Variants in ULK1 observed in about 807,000 individuals in gnomAD.
ULK1 encodes unc-51 like autophagy activating kinase 1, also known as serine/threonine-protein kinase ULK1.
Under a neutral mutation model 117.5 loss-of-function variants are expected in ULK1, and 48 were observed. That is an observed-to-expected ratio of 0.41 (90% CI 0.32 to 0.52). The LOEUF is 0.52. Ranked by LOEUF, ULK1 falls within the 20% of genes least tolerant of loss-of-function variation. The pLI, the probability that ULK1 is intolerant of heterozygous loss-of-function variation, is 0.29. For synonymous variants in ULK1, 790 were observed against 637.8 expected (o/e 1.24, Z -3.60); for missense variants, 1,387 against 1,473.4 (o/e 0.94, Z 0.96).
rs1483240242 is a variant in ULK1 at position 131,909,116 on chromosome 12, C to T, written c.565-20C>T. On this transcript the variant is annotated intron_variant, in intron 7 of 27. Transcript: ENST00000321867. ...TTGGCGTGCGGGGGCCTCACACTGA[C>T]CCGACTTCTGGTCCCGCAGGCCCCC... 1 of 1,601,314 alleles carries T rather than the reference C, an allele frequency of 6.2e-7. No homozygotes were observed.
intron 20 of ULK1, 32 bp from the exon 21 acceptor site, chr12:131,916,921 G>C (rs753210417): frequency 6.4e-7 from 1 of 1,574,756 alleles, no homozygotes; most frequent in Non-Finnish European, 8.7e-7. Flanking sequence ...GGGTGGGCCG[G>C]GCACCCAGCA....
intron 7 of ULK1, 67 bp downstream of exon 7, chr12:131,909,038 C>T (rs1338683053): frequency 5.6e-6 from 9 of 1,610,658 alleles, no homozygotes; most frequent in Non-Finnish European, 5.1e-6. Context: ...GGTTGGCTGG[C>T]GTGTGGTGCG....
In ULK1 at chr12:131,919,140, G is replaced by A. The variant is rs942774430; in HGVS notation, c.2512-72G>A. Reference sequence around the variant, plus strand: ...GCCCTGCCTCCCCAAGGCGTCATCGGTGAGTCTGAAGGGAGACAAGCCCCT... The same window carrying A: ...GCCCTGCCTCCCCAAGGCGTCATCGATGAGTCTGAAGGGAGACAAGCCCCT... On this transcript the variant is annotated intron_variant, in intron 23 of 27. Transcript: ENST00000321867. 8 of 1,488,274 alleles carry A rather than the reference G, an allele frequency of 5.4e-6. No homozygotes were observed. In the South Asian group the frequency reaches 9.2e-5, roughly 17 times the overall value. The allele number at this position is 1,488,274 out of a possible 1,614,324, so 92.2% of individuals were successfully genotyped here.
At chr12:131,901,321 T>C (rs1593259709) in intron 3 of ULK1, among the ~76,000 whole-genome samples, 1 of 148,840 alleles carries the variant, frequency 6.7e-6, no homozygotes. Flanking sequence ...TTTGTGCCAC[T>C]GCACTCCAGC....
rs1180962615 is a variant in ULK1, at chr12:131,914,223, G to A, written c.1248-129G>A. 7.8e-6 allele frequency: 11 copies of A among 1,416,450 alleles called. No individual in the cohort carries two copies. In the Admixed American group the frequency reaches 2.1e-4, roughly 28 times the overall value. 87.7% of individuals were successfully genotyped at this position (1,416,450 alleles called of 1,614,324 possible). On this transcript the variant is annotated intron_variant, in intron 15 of 27. Transcript: ENST00000321867. Reference sequence around the variant, plus strand: ...AGCCGGCTCTTTTCAGACCTGGCATGGGTCTCAGGGTGGCCTCTGCCCTAA... The same window carrying A: ...AGCCGGCTCTTTTCAGACCTGGCATAGGTCTCAGGGTGGCCTCTGCCCTAA...
intron 22 of ULK1, among the ~76,000 whole-genome samples, chr12:131,917,853 C>G (rs1405539827): frequency 6.6e-6 from 1 of 152,238 alleles, no homozygotes; most frequent in Admixed American, 6.5e-5. Flanking sequence ...ATCATGGCCT[C>G]CTTGCCCAGC....
chr12:131,915,798 T>C (rs1889751388), intron 18 of ULK1, 93 bp from the exon 19 acceptor site: 2 of 1,526,204 alleles, frequency 1.3e-6, no homozygotes, highest in South Asian at 1.2e-5. Flanking sequence ...GGCCTTGGAG[T>C]GCGTCTACCC....
chr12:131,910,936 C>G, intron 12 of ULK1, 136 bp downstream of exon 12: 2 of 1,458,564 alleles, frequency 1.4e-6, no homozygotes, highest in Non-Finnish European at 1.8e-6. Flanking sequence ...TGAGTTCATT[C>G]TGTCAGATGT....
At position 131,920,082 on chromosome 12, in the gene ULK1, C is replaced by A; in HGVS notation, c.2907C>A (p.Asp969Glu). 6.2e-7 allele frequency: 1 copy of A among 1,612,816 alleles called. No homozygotes were observed. Among genetic ancestry groups the A allele is most frequent in the Non-Finnish European group, 8.5e-7 (1 of 1,179,952 alleles). The change falls in exon 26 of 28, where the codon GAC (aspartate) becomes GAA (glutamate). Residue 969 changes from aspartate to glutamate, a missense_variant. Asp to Glu is a conservative substitution (Grantham distance 45, BLOSUM62 2). This residue lies in a region of ULK1 where 900 missense variants were observed against 858.9 expected (regional missense o/e 1.05). Transcript: ENST00000321867. ...TCCTGGACAAGCAGCGGCTCCTGGA[C>A]CGCATTCACAGCATCACTGCCGAGA... ...RFFLDKQRLL[D>E]RIHSITAERL... is the part of the protein sequence containing the mutation.
In ULK1 at chr12:131,910,314, T is replaced by C; in HGVS notation, c.859+10T>C. ...CCCTCGGTCAGGAAATGTGAGTTTC[T>C]GTGGGTCCTGGGGCTCCGCATGGGC... On this transcript the variant is annotated intron_variant, in intron 11 of 27. Transcript: ENST00000321867. 1 of 1,613,690 alleles carries C rather than the reference T, an allele frequency of 6.2e-7. No homozygotes were observed. Among genetic ancestry groups the C allele is most frequent in the African/African-American group, 1.3e-5 (1 of 75,052 alleles).
intron 15 of ULK1, 121 bp from the exon 16 acceptor site, chr12:131,914,229 CAG>C: frequency 6.8e-7 from 1 of 1,467,062 alleles, no homozygotes; most frequent in Non-Finnish European, 9.2e-7. Flanking sequence ...GCATGGGTCT[CAG>C]GGTGGCCTCT....
At position 131,917,147 on chromosome 12, in the gene ULK1, GGAGGCTGTGGGATGGGGCTC is replaced by G. The variant is rs1566126634; in HGVS notation, c.2182+103_2182+122del. Reference sequence around the variant, plus strand: ...GGTCGGAGGCTGTGGGATGGGGGTCGGAGGCTGTGGGATGGGGCTCGAGGCTGTGGGATGGGGGTCGGGTG... The same window carrying G: ...GGTCGGAGGCTGTGGGATGGGGGTCGGAGGCTGTGGGATGGGGGTCGGGTG... On this transcript the variant is annotated intron_variant, in intron 21 of 27. Transcript: ENST00000321867. The G allele has an allele frequency of 2.1e-4, 147 of 693,478 alleles. 16 individuals are homozygous for G. Among genetic ancestry groups the G allele is most frequent in the East Asian group, 6.6e-4 (10 of 15,190 alleles). The allele number at this position is 693,478 out of a possible 1,614,324, so 43.0% of individuals were successfully genotyped here.
rs894929272 is a variant in ULK1, at chr12:131,921,688, G to A, written c.*327G>A. The A allele has an allele frequency of 5.6e-5, 34 of 605,260 alleles. No individual in the cohort carries two copies. In the Admixed American group the frequency reaches 7.7e-4, roughly 14 times the overall value. 37.5% of individuals were successfully genotyped at this position (605,260 alleles called of 1,614,324 possible). A position where few individuals can be genotyped will look rare whatever the true frequency, so the allele number is the denominator to read the frequency against. On this transcript the variant is annotated 3_prime_UTR_variant, in exon 28 of 28. Coordinates refer to ENST00000321867, the MANE Select transcript of ULK1 (RefSeq NM_003565.4). ...CCCCGGAGGACAGGCAAGGGCCTGA[G>A]ACCACTGCCGACTCAAAGCCAAAGC...
At chr12:131,919,887 C>T (rs955468812) in intron 25 of ULK1, 92 bp from the exon 26 acceptor site, 63 of 1,501,176 alleles carry the variant, frequency 4.2e-5, no homozygotes, top group Admixed American at 3.8e-4. Flanking sequence ...GAGGGAGGGA[C>T]GTGCTCGCTC....
Position 131,919,535 on chromosome 12 carries a change from T to A in ULK1, c.2748T>A (p.Ser916Arg). ...VAELLSSGLQSAIDQIRAGKL... is the reference protein window; with the variant it reads ...VAELLSSGLQRAIDQIRAGKL... ...AGCTACTGTCCTCCGGCCTGCAAAGTGCCATCGACCAGATCCGGGCCGGCA... is the reference window on the plus strand; with the variant it reads ...AGCTACTGTCCTCCGGCCTGCAAAGAGCCATCGACCAGATCCGGGCCGGCA... Residue 916 changes from serine to arginine, a missense_variant, in exon 25 of 28, where the codon AGT becomes AGA. Ser to Arg is a moderately radical substitution (Grantham distance 110, BLOSUM62 -1). This residue lies in a region of ULK1 where 900 missense variants were observed against 858.9 expected (regional missense o/e 1.05). Transcript: ENST00000321867. The A allele has an allele frequency of 3.7e-6, 6 of 1,612,210 alleles. No homozygotes were observed. The highest frequency in any genetic ancestry group is 5.1e-6 in the Non-Finnish European group (6 of 1,179,610).
At chr12:131,906,336 G>A (rs1308524420) in intron 3 of ULK1, among the ~76,000 whole-genome samples, 3 of 152,090 alleles carry the variant, frequency 2.0e-5, no homozygotes, top group Non-Finnish European at 4.4e-5. Context: ...TGATCCACCC[G>A]CCTTGGCCTC....
intron 12 of ULK1, 42 bp downstream of exon 12, chr12:131,910,842 T>C: frequency 6.2e-7 from 1 of 1,609,074 alleles, no homozygotes; most frequent in Non-Finnish European, 8.5e-7. Flanking sequence ...CTCCCTCCAC[T>C]CAGCAGTCAG....
At chr12:131,901,481 C>T (rs528770655) in intron 3 of ULK1, among the ~76,000 whole-genome samples, 2 of 152,352 alleles carry the variant, frequency 1.3e-5, no homozygotes, top group South Asian at 4.1e-4. Context: ...GCCCGCGTCC[C>T]GGGCCGCTCT....
In ULK1 at chr12:131,919,383, G is replaced by T. The variant is rs747543008; in HGVS notation, c.2683G>T (p.Gly895Cys). The change falls in exon 24 of 28, where the codon GGC becomes TGC. Residue 895 changes from glycine to cysteine, a missense_variant and splice_region_variant. Coordinates refer to ENST00000321867, the MANE Select transcript of ULK1 (RefSeq NM_003565.4). ...DQISLLSREW[G>C]FAEQLVLYLK... is the part of the protein sequence containing the mutation. Reference sequence around the variant, plus strand: ...GATCAGCCTGCTGAGCCGAGAATGGGGGTGGGTGCCGCCAGGGCTGGGGTG... The same window carrying T: ...GATCAGCCTGCTGAGCCGAGAATGGTGGTGGGTGCCGCCAGGGCTGGGGTG... 1.9e-6 allele frequency: 3 copies of T among 1,555,566 alleles called. No homozygotes were observed. The highest frequency in any genetic ancestry group is 2.3e-5 in the South Asian group (2 of 85,500).
Sources: gnomAD v4.1 joint callset for allele counts (sites outside exome capture counted in the v4.1 genomes callset) on GRCh38, gnomAD v4.1.1 for gene constraint, gnomAD v4.1.1 regional missense constraint, MANE v1.5 for transcripts, NCBI Gene and HGNC (gene_info 2026-07-23, HGNC 2026-07-21) for gene names.